The following DLC1 variants were observed in gnomAD, a reference collection of about 807,000 sequenced individuals.
DLC1 encodes the protein DLC1 Rho GTPase activating protein, also known as rho GTPase-activating protein 7.
A neutral mutation model predicts 140.3 loss-of-function variants in DLC1; 54 were observed. The observed-to-expected ratio is 0.38, with a 90% CI of 0.31 to 0.48. The LOEUF (loss-of-function observed/expected upper bound fraction) is 0.48, where lower values mean the gene tolerates loss of function less well. DLC1 is among the 20% of genes least tolerant of loss of function. The probability of loss-of-function intolerance (pLI) is 0.96; values close to 1 mark genes in which losing one functional copy is unlikely to be tolerated. For missense variants in DLC1, 2,536 were observed against 1,907.0 expected, an observed-to-expected ratio of 1.33 and a Z score of -6.14; for synonymous variants, 986 against 728.1, an observed-to-expected ratio of 1.35 and a Z score of -5.70.
In DLC1 at chr8:13,309,586, G is replaced by T. The variant is rs370443400; in HGVS notation, c.1315-4284C>A. On this transcript the variant is annotated intron_variant, in intron 4 of 17. Transcript: ENST00000276297. ...AGCTATATGTGGGAGCTTAGACTGT[G>T]TGCATGCCTGTTTGTGTTTTTGGAT... Among the ~76,000 whole-genome samples the T allele has an allele frequency of 7.2e-5, 11 of 152,284 alleles. No homozygotes were observed. The East Asian group carries it at 1.9e-3, about 27-fold the overall frequency.
In DLC1 at chr8:13,094,921, T is replaced by G. The variant is rs1174911131; in HGVS notation, c.3364A>C (p.Ile1122Leu). 1 of 1,614,242 alleles carries G rather than the reference T, an allele frequency of 6.2e-7. No homozygotes were observed. The highest frequency in any genetic ancestry group is 1.7e-5 in the Admixed American group (1 of 60,028). ...TCATTCATCTGGCGCAGAGCCTGAA[T>G]CCGGGACTTGACCCCCGATTTTCTG... ...LFRKSGVKSRIQALRQMNEGA... is the reference protein window; with the variant it reads ...LFRKSGVKSRLQALRQMNEGA... The change falls in exon 12 of 18, where the codon ATT becomes CTT. Residue 1122 changes from isoleucine (I) to leucine (L), a missense_variant. Physicochemically the swap from Ile to Leu is conservative, Grantham distance 5. Coordinates refer to ENST00000276297, the MANE Select transcript of DLC1 (RefSeq NM_182643.3).
intron 2 of DLC1, among the ~76,000 whole-genome samples, chr8:13,447,575 A>G (rs1798836385): frequency 6.6e-6 from 1 of 152,196 alleles, no homozygotes; most frequent in Non-Finnish European, 1.5e-5. Flanking sequence ...TTTAGAAAAG[A>G]AAAAAACGTT....
chr8:13,515,856 A>C (rs1361537523), upstream of DLC1, among the ~76,000 whole-genome samples: 3 of 152,234 alleles, frequency 2.0e-5, no homozygotes, highest in Non-Finnish European at 4.4e-5. Flanking sequence ...CTCGTCTTAT[A>C]ATAAGATATC....
At chr8:13,290,379 A>G (rs1831711052) in intron 5 of DLC1, among the ~76,000 whole-genome samples, 1 of 152,214 alleles carries the variant, frequency 6.6e-6, no homozygotes, top group Non-Finnish European at 1.5e-5. Context: ...GGAGGCATCC[A>G]GGAATCTGAA....
At chr8:13,545,551 T>C (rs1009190888) in intron 1 of DLC1, among the ~76,000 whole-genome samples, 1 of 152,094 alleles carries the variant, frequency 6.6e-6, no homozygotes, top group Non-Finnish European at 1.5e-5. Context: ...CTCTGCTCAG[T>C]CAATTGTAAA....
intron 1 of DLC1, chr8:13,566,904 C>T (rs1804454657): frequency 1.1e-5 from 16 of 1,430,716 alleles, no homozygotes; most frequent in South Asian, 1.5e-5. Flanking sequence ...CATTGAGATC[C>T]ATTCCCGGAG....
intron 1 of DLC1, among the ~76,000 whole-genome samples, chr8:13,579,721 T>C (rs1372730835): frequency 6.7e-6 from 1 of 149,772 alleles, no homozygotes; most frequent in African/African-American, 2.5e-5. Flanking sequence ...TTAGAGATTA[T>C]TTTGGAGCAA....
intron 2 of DLC1, among the ~76,000 whole-genome samples, chr8:13,484,519 C>T (rs1021060753): frequency 2.6e-5 from 4 of 152,050 alleles, no homozygotes; most frequent in Non-Finnish European, 4.4e-5. Flanking sequence ...CTTTAACTTG[C>T]TTTGCTTCAA....
intron 2 of DLC1, among the ~76,000 whole-genome samples, chr8:13,456,629 T>G (rs62492252): frequency 0.26 from 39,604 of 151,936 alleles, 6,456 homozygotes; most frequent in Middle Eastern, 0.38. Context: ...TGGGTAATTT[T>G]TGTATTTTTA....
intron 5 of DLC1, among the ~76,000 whole-genome samples, chr8:13,142,093 A>G (rs1168442117): frequency 1.3e-5 from 2 of 152,156 alleles, no homozygotes; most frequent in African/African-American, 4.8e-5. Flanking sequence ...ACTCATACAT[A>G]CACAGTCGCT....
chr8:13,370,253 C>T (rs1447226974), intron 4 of DLC1, among the ~76,000 whole-genome samples: 1 of 151,944 alleles, frequency 6.6e-6, no homozygotes, highest in Non-Finnish European at 1.5e-5. Context: ...CTTCAATATA[C>T]TATAAGCTCT....
upstream of DLC1, among the ~76,000 whole-genome samples, chr8:13,519,196 C>A (rs1475089100): frequency 6.7e-6 from 1 of 149,226 alleles, no homozygotes; most frequent in African/African-American, 2.5e-5. Context: ...GGCGCAATCT[C>A]GGCTCACTGC....
In DLC1 at chr8:13,188,827, G is replaced by GTA. The variant is rs1563149780; in HGVS notation, c.1349-73172_1349-73171dup. On this transcript the variant is annotated intron_variant, in intron 5 of 17. Transcript: ENST00000276297. Reference sequence around the variant, plus strand: ...TATATATATATATATATATATATATGTATATATATATATATATTTTTTTTT... The same window carrying GTA: ...TATATATATATATATATATATATATGTATATATATATATATATATTTTTTTTT... Among the ~76,000 whole-genome samples, 227 of 28,598 alleles carry GTA rather than the reference G, an allele frequency of 7.9e-3. 1 individual carries two copies. The highest frequency in any genetic ancestry group is 0.036 in the East Asian group (5 of 140). 18.8% of individuals were successfully genotyped at this position (28,598 alleles called of 152,430 possible). A position where few individuals can be genotyped will look rare whatever the true frequency, so the allele number is the denominator to read the frequency against.
At chr8:13,142,724 T>C (rs1255271141) in intron 5 of DLC1, among the ~76,000 whole-genome samples, 1 of 152,172 alleles carries the variant, frequency 6.6e-6, no homozygotes, top group Non-Finnish European at 1.5e-5. Context: ...TCTGAACCCA[T>C]GTACCCCTAA....
At chr8:13,157,471 A>AAG (rs1824336251) in intron 5 of DLC1, among the ~76,000 whole-genome samples, 1 of 152,112 alleles carries the variant, frequency 6.6e-6, no homozygotes, top group African/African-American at 2.4e-5. Flanking sequence ...GAACAAAAAA[A>AAG]GGCAGTGATT....
intron 4 of DLC1, among the ~76,000 whole-genome samples, chr8:13,378,306 T>C (rs1836091559): frequency 6.6e-6 from 1 of 151,554 alleles, no homozygotes; most frequent in Non-Finnish European, 1.5e-5. Context: ...AAGAAAGTCC[T>C]TTGAAAGGCC....
At chr8:13,540,460 G>T (rs1008325785) in intron 1 of DLC1, among the ~76,000 whole-genome samples, 3 of 152,114 alleles carry the variant, frequency 2.0e-5, no homozygotes, top group African/African-American at 7.2e-5. Context: ...ATTAAGGAGA[G>T]GTTATTAACG....
rs367691938 is a variant in DLC1, at chr8:13,499,471, C to T, written c.601G>A (p.Glu201Lys). The T allele has an allele frequency of 6.2e-7, 1 of 1,614,078 alleles. No individual in the cohort carries two copies. Among genetic ancestry groups the T allele is most frequent in the South Asian group, 1.1e-5 (1 of 91,078 alleles). ...LELCNEISLS[E>K]IKDAPKVNAV... Reference sequence around the variant, plus strand: ...TTTACTTTGGGTGCATCTTTTATTTCACTTAAGCTTATTTCATTGCAAAGC... The same window carrying T: ...TTTACTTTGGGTGCATCTTTTATTTTACTTAAGCTTATTTCATTGCAAAGC... The change falls in exon 2 of 18, where the codon GAA (glutamate) becomes AAA (lysine). Residue 201 changes from glutamate (E) to lysine (K), a missense_variant. Coordinates refer to ENST00000276297, the MANE Select transcript of DLC1 (RefSeq NM_182643.3).
At chr8:13,283,837 A>G (rs571568661) in intron 5 of DLC1, among the ~76,000 whole-genome samples, 1 of 152,284 alleles carries the variant, frequency 6.6e-6, no homozygotes, top group African/African-American at 2.4e-5. Context: ...GGTGACAGAG[A>G]TCAGAGTTTA....
Sources: allele counts gnomAD v4.1 joint callset (sites outside exome capture counted in the v4.1 genomes callset), GRCh38; gene constraint gnomAD v4.1.1; transcripts MANE v1.5; gene names NCBI Gene and HGNC (gene_info 2026-07-23, HGNC 2026-07-21).